Variants in GRIN2B observed in about 807,000 individuals in gnomAD.
The protein encoded by GRIN2B is glutamate ionotropic receptor NMDA type subunit 2B, also known as glutamate receptor ionotropic, NMDA 2B.
Under a neutral mutation model 114.5 loss-of-function variants are expected in GRIN2B, and 5 were observed. The ratio of observed to expected loss-of-function variants is 0.04; its 90% CI spans 0.02 to 0.09. The LOEUF is 0.09. Ranked by LOEUF, GRIN2B falls within the 10% of genes least tolerant of loss-of-function variation. The pLI is 1.00. For synonymous variants in GRIN2B, 787 were observed against 745.1 expected, an observed-to-expected ratio of 1.06 and a Z score of -0.92; for missense variants, 1,108 against 1,943.5, an observed-to-expected ratio of 0.57 and a Z score of 8.08.
chr12:13,679,392 ATGTAAT>A (rs1205008725), intron 4 of GRIN2B, among the ~76,000 whole-genome samples: 1 of 152,162 alleles, frequency 6.6e-6, no homozygotes, highest in Non-Finnish European at 1.5e-5. Flanking sequence ...CTCATGAGCA[ATGTAAT>A]TGGTCTGTAA....
At chr12:13,870,419 C>T (rs986206011) in intron 2 of GRIN2B, among the ~76,000 whole-genome samples, 1 of 152,062 alleles carries the variant, frequency 6.6e-6, no homozygotes, top group Non-Finnish European at 1.5e-5. Flanking sequence ...TCCCGAGATC[C>T]ATAGCAAACA....
At position 13,595,819 on chromosome 12, in the gene GRIN2B, G is replaced by A. The variant is rs182073569; in HGVS notation, c.2010+12784C>T. Among the ~76,000 whole-genome samples, 4 of 152,194 alleles carry A rather than the reference G, an allele frequency of 2.6e-5. No individual in the cohort carries two copies. In the East Asian group the frequency reaches 7.7e-4, roughly 29 times the overall value. On this transcript the variant is annotated intron_variant, in intron 10 of 13. Transcript: ENST00000609686. ...GGCAGCCCTGATTGGCAGAGAGAAA[G>A]GGATTTATAGGTAGTTGGCCACAAT...
chr12:13,563,752 A>G lies in GRIN2B; in HGVS notation c.3486T>C (p.Phe1162=), dbSNP rs202120141. 3 of 1,614,010 alleles carry G rather than the reference A, an allele frequency of 1.9e-6. No homozygotes were observed. The highest frequency in any genetic ancestry group is 1.1e-5 in the South Asian group (1 of 91,090). Residue 1162 remains phenylalanine, a synonymous_variant, in exon 14 of 14, where the codon TTT becomes TTC. Coordinates refer to ENST00000609686, the MANE Select transcript of GRIN2B (RefSeq NM_000834.5). The stretch of plus-strand genomic sequence containing the variant: ...CTCCTCCGCTGACGGAGTCGCGCTT[A>G]AAGTCATCACTCCGCTCCTTGTAGA... The part of the protein sequence containing the change: ...TDIYKERSDD[F]KRDSVSGGGP...
chr12:13,881,057 C>A (rs886168569), intron 2 of GRIN2B, among the ~76,000 whole-genome samples: 2 of 152,112 alleles, frequency 1.3e-5, no homozygotes, highest in Non-Finnish European at 2.9e-5. Flanking sequence ...TGCACATGTG[C>A]ACACGAGAGT....
At chr12:13,642,937 C>T (rs1465816324) in intron 5 of GRIN2B, among the ~76,000 whole-genome samples, 3 of 152,122 alleles carry the variant, frequency 2.0e-5, no homozygotes, top group Admixed American at 6.6e-5. Context: ...GATTGCATGG[C>T]TACCTAGCTT....
intron 3 of GRIN2B, among the ~76,000 whole-genome samples, chr12:13,760,266 T>C (rs1315977961): frequency 1.3e-5 from 2 of 152,230 alleles, no homozygotes; most frequent in Admixed American, 6.5e-5. Flanking sequence ...TGTTTGTTCA[T>C]TGCTATAACC....
intron 2 of GRIN2B, among the ~76,000 whole-genome samples, chr12:13,942,986 C>T (rs1211298229): frequency 6.6e-6 from 1 of 152,024 alleles, no homozygotes; most frequent in Non-Finnish European, 1.5e-5. Flanking sequence ...CCTCCCATCC[C>T]GGTTCATGGA....
At chr12:13,826,608 G>C (rs1264456822) in intron 3 of GRIN2B, among the ~76,000 whole-genome samples, 1 of 152,024 alleles carries the variant, frequency 6.6e-6, no homozygotes, top group Non-Finnish European at 1.5e-5. Flanking sequence ...ATTTTCAGCA[G>C]TTTTATTTAT....
At chr12:13,616,723 T>A in intron 5 of GRIN2B, 66 bp from the exon 6 acceptor site, 1 of 1,303,884 alleles carries the variant, frequency 7.7e-7, no homozygotes, top group Non-Finnish European at 1.1e-6. Context: ...CCTGTCCCAG[T>A]ATTGTCTGAA....
chr12:13,824,982 C>A (rs1470466784), intron 3 of GRIN2B, among the ~76,000 whole-genome samples: 1 of 150,898 alleles, frequency 6.6e-6, no homozygotes, highest in Non-Finnish European at 1.5e-5. Flanking sequence ...TTATCTTACT[C>A]TTCTTTCTCT....
rs549250009 is a variant in GRIN2B, at chr12:13,937,214, A to T, written c.-19+42714T>A. ...AGGAGTCCCAAAAGATTTTTTTTTA[A>T]ATGAGATTGAAGCAGAAAAAAGCAT... On this transcript the variant is annotated intron_variant, in intron 2 of 13. Transcript: ENST00000609686. Among the ~76,000 whole-genome samples the T allele has an allele frequency of 4.0e-5, 6 of 151,802 alleles. No individual in the cohort carries two copies. In the South Asian group the frequency reaches 1.2e-3, roughly 31 times the overall value.
In GRIN2B at chr12:13,564,491, C is replaced by T. The variant is rs1286858969; in HGVS notation, c.2747G>A (p.Gly916Asp). 1 of 1,614,196 alleles carries T rather than the reference C, an allele frequency of 6.2e-7. No individual in the cohort carries two copies. The highest frequency in any genetic ancestry group is 1.1e-5 in the South Asian group (1 of 91,088). ...KNMANLSGVN[G>D]SPQSALDFIR... ...GAAGTCCAGGGCGCTCTGCGGTGAG[C>T]CATTCACACCAGACAGGTTAGCCAT... Residue 916 changes from glycine (G) to aspartate (D), a missense_variant, in exon 14 of 14, where the codon GGC (glycine) becomes GAC (aspartate). Gly to Asp is a moderately conservative substitution (Grantham distance 94, BLOSUM62 -1). Coordinates refer to ENST00000609686, the MANE Select transcript of GRIN2B (RefSeq NM_000834.5). The surrounding 1 kb of genome is among the most constrained non-coding windows in gnomAD (Gnocchi z 4.8).
intron 2 of GRIN2B, among the ~76,000 whole-genome samples, chr12:13,938,329 G>A (rs906263296): frequency 6.6e-6 from 1 of 151,906 alleles, no homozygotes; most frequent in Non-Finnish European, 1.5e-5. Context: ...TATAAGAAAA[G>A]CATTTTAAAT....
intron 2 of GRIN2B, among the ~76,000 whole-genome samples, chr12:13,890,781 C>T (rs1866246126): frequency 6.6e-6 from 1 of 152,102 alleles, no homozygotes; most frequent in Non-Finnish European, 1.5e-5. Flanking sequence ...TCCTGGTCTG[C>T]AGTCTGGAAA....
At chr12:13,966,829 A>G (rs1867796628) in intron 2 of GRIN2B, among the ~76,000 whole-genome samples, 1 of 152,256 alleles carries the variant, frequency 6.6e-6, no homozygotes, top group African/African-American at 2.4e-5. Flanking sequence ...ACCCAGAATT[A>G]TTAATACTCC....
In GRIN2B at chr12:13,967,501, T is replaced by A. The variant is rs1306719644; in HGVS notation, c.-19+12427A>T. On this transcript the variant is annotated intron_variant, in intron 2 of 13. Transcript: ENST00000609686. ...TGAAATGCAGATAAATTTACATACC[T>A]CTATGGATGTTTGAAAGGGTTAAAT... 4.6e-5 allele frequency among the ~76,000 whole-genome samples: 7 copies of A among 152,198 alleles called. No homozygotes were observed. The South Asian group carries it at 1.4e-3, about 31-fold the overall frequency.
intron 11 of GRIN2B, among the ~76,000 whole-genome samples, chr12:13,571,140 A>G (rs1471314252): frequency 1.3e-5 from 2 of 152,202 alleles, no homozygotes; most frequent in Non-Finnish European, 2.9e-5. Flanking sequence ...TAGTCATCAT[A>G]CAACAAAGAA....
rs78222734 is a variant in GRIN2B at position 13,562,441 on chromosome 12, G to A, written c.*342C>T. The A allele has an allele frequency of 8.7e-4, 263 of 301,114 alleles. 4 individuals are homozygous for A. The East Asian group carries it at 0.016, about 19-fold the overall frequency. The allele number at this position is 301,114 out of a possible 1,614,324, so 18.7% of individuals were successfully genotyped here. On this transcript the variant is annotated 3_prime_UTR_variant, in exon 14 of 14. Transcript: ENST00000609686. The stretch of plus-strand genomic sequence containing the variant: ...GGTTCTCCCAGCTTCACTCAAAGAG[G>A]ATATCAAGGAGCTCTTCCACACCAG...
chr12:13,679,621 C>T (rs1187013954), intron 4 of GRIN2B, among the ~76,000 whole-genome samples: 1 of 152,120 alleles, frequency 6.6e-6, no homozygotes, highest in Non-Finnish European at 1.5e-5. Context: ...TATCTGTCAG[C>T]AGCATATAGA....
Sources: gnomAD v4.1 joint callset for allele counts (sites outside exome capture counted in the v4.1 genomes callset) on GRCh38, gnomAD v4.1.1 for gene constraint, Gnocchi (gnomAD v3.1) non-coding constraint, MANE v1.5 for transcripts, NCBI Gene and HGNC (gene_info 2026-07-23, HGNC 2026-07-21) for gene names.